ZNF394: variants seen among roughly 807,000 people sequenced by gnomAD.
ZNF394 encodes zinc finger protein 394.
Under a neutral mutation model 21.8 loss-of-function variants are expected in ZNF394, and 19 were observed. That is an observed-to-expected ratio of 0.87 (90% CI 0.61 to 1.28). ZNF394 has a LOEUF of 1.28. Ranked by LOEUF, ZNF394 falls within the 50% of genes most tolerant of loss-of-function variation. The pLI is 0.00. For missense variants in ZNF394, 683 were observed against 708.6 expected (o/e 0.96, Z 0.41); for synonymous variants, 294 against 273.3 (o/e 1.08, Z -0.75).
Position 99,498,844 on chromosome 7 carries a change from TG to T in ZNF394, c.457-3del. 6.2e-7 allele frequency: 1 copy of T among 1,611,784 alleles called. No homozygotes were observed. Among genetic ancestry groups the T allele is most frequent in the Non-Finnish European group, 8.5e-7 (1 of 1,178,658 alleles). On this transcript the variant is annotated splice_polypyrimidine_tract_variant and splice_region_variant and intron_variant, in intron 1 of 2. Coordinates refer to ENST00000337673, the MANE Select transcript of ZNF394 (RefSeq NM_032164.4). ...CGTGTCCTCGAAAGTCACCATCCCC[TG>T]GAACAACACAAGAGCCCCATTCAGT...
At position 99,500,014 on chromosome 7, in the gene ZNF394, T is replaced by TTC; in HGVS notation, c.79_80insGA (p.Asp27GlyfsTer14). ...TCCGTCGCGTTGGGACGGCGCCGCG[T>TTC]CCTTGGACCTCGCAGCCATCACCCA... On this transcript the variant is annotated frameshift_variant, in exon 1 of 3. Transcript: ENST00000337673. LOFTEE classifies it high-confidence loss of function. The TTC allele has an allele frequency of 6.2e-7, 1 of 1,607,580 alleles. No homozygotes were observed.
rs778271934 is a variant in ZNF394 at position 99,494,520 on chromosome 7, A to G, written c.695T>C (p.Phe232Ser). ...CTCATGGGTACTGCCACACTTAGAA[A>G]ACAGGGGGCGCTTCCCCTGGAACGC... ...QEAFQGKRPL[F>S]SKCGSTHEDR... is the part of the protein sequence containing the mutation. The change falls in exon 3 of 3, where the codon TTT becomes TCT. Residue 232 changes from phenylalanine (F) to serine (S), a missense_variant. Physicochemically the swap from Phe to Ser is radical, Grantham distance 155. This residue lies in a region of ZNF394 where 402 missense variants were observed against 373.8 expected (regional missense o/e 1.08). Transcript: ENST00000337673. 1.9e-6 allele frequency: 3 copies of G among 1,613,612 alleles called. No homozygotes were observed. Among genetic ancestry groups the G allele is most frequent in the South Asian group, 2.2e-5 (2 of 91,078 alleles).
Position 99,494,492 on chromosome 7 carries a change from G to A in ZNF394, c.723C>T (p.Asp241=). Residue 241 remains aspartate (D), a synonymous_variant, in exon 3 of 3, where the codon GAC becomes GAT. Transcript: ENST00000337673. ...GGTCTCCGGACTGCTTTTCCACCCT[G>A]TCCTCATGGGTACTGCCACACTTAG... The part of the protein sequence containing the change: ...LFSKCGSTHE[D]RVEKQSGDPL... 6.2e-7 allele frequency: 1 copy of A among 1,613,824 alleles called. No individual in the cohort carries two copies. The highest frequency in any genetic ancestry group is 8.5e-7 in the Non-Finnish European group (1 of 1,180,020).
chr7:99,494,543 C>A lies in ZNF394; in HGVS notation c.672G>T (p.Ala224=), dbSNP rs771586876. The change falls in exon 3 of 3, where the codon GCG becomes GCT. Residue 224 remains alanine (A), a synonymous_variant. Coordinates refer to ENST00000337673, the MANE Select transcript of ZNF394 (RefSeq NM_032164.4). ...AAAACAGGGGGCGCTTCCCCTGGAA[C>A]GCTTCTTGTAGTTGCCCCTGTGGCT... ...EAEPQGQLQE[A]FQGKRPLFSK... 2 of 1,613,356 alleles carry A rather than the reference C, an allele frequency of 1.2e-6. No homozygotes were observed. Among genetic ancestry groups the A allele is most frequent in the African/African-American group, 2.7e-5 (2 of 74,880 alleles).
rs758447840 is a variant in ZNF394, at chr7:99,493,916, T to C, written c.1299A>G (p.Gln433=). The change falls in exon 3 of 3, where the codon CAA becomes CAG. Residue 433 remains glutamine (Q), a synonymous_variant. Transcript: ENST00000337673. Reference sequence around the variant, plus strand: ...AATGTTTGTCTCTACTGTGGGTACTTTGATGACGATTTAGGTGTGAATTCT... The same window carrying C: ...AATGTTTGTCTCTACTGTGGGTACTCTGATGACGATTTAGGTGTGAATTCT... ...FRQNSHLNRH[Q]STHSRDKHFK... The C allele has an allele frequency of 6.1e-5, 98 of 1,614,138 alleles. No homozygotes were observed. Among genetic ancestry groups the C allele is most frequent in the Non-Finnish European group, 7.5e-5 (89 of 1,180,058 alleles).
In ZNF394 at chr7:99,499,922, G is replaced by T; in HGVS notation, c.172C>A (p.Pro58Thr). Reference sequence around the variant, plus strand: ...TGCAGTCGAGAAGTTTCGGGGTCCGGCGAAGCCGCGGGATAGTTGGGCTCC... The same window carrying T: ...TGCAGTCGAGAAGTTTCGGGGTCCGTCGAAGCCGCGGGATAGTTGGGCTCC... ...SWEPNYPAAS[P>T]DPETSRLHFR... The change falls in exon 1 of 3, where the codon CCG (proline) becomes ACG (threonine). Residue 58 changes from proline (P) to threonine (T), a missense_variant. By Grantham distance (38) the Pro-to-Thr change is conservative. This residue lies in a region of ZNF394 where 402 missense variants were observed against 373.8 expected (regional missense o/e 1.08). Transcript: ENST00000337673. 1 of 1,614,114 alleles carries T rather than the reference G, an allele frequency of 6.2e-7. No homozygotes were observed. The highest frequency in any genetic ancestry group is 8.5e-7 in the Non-Finnish European group (1 of 1,180,042).
chr7:99,492,393 A>T (rs542218698), downstream of ZNF394, among the ~76,000 whole-genome samples: 4 of 152,060 alleles, frequency 2.6e-5, no homozygotes, highest in East Asian at 7.8e-4. Flanking sequence ...TAATCCCAGC[A>T]CTTTGGGAGG....
chr7:99,487,189 A>C, intron 1 of ZNF394: 1 of 1,614,162 alleles, frequency 6.2e-7, no homozygotes, highest in Non-Finnish European at 8.5e-7. Context: ...CCGGCATTCA[A>C]CCCTTCTATG....
chr7:99,497,110 GTGT>G (rs1399619358), intron 2 of ZNF394, among the ~76,000 whole-genome samples: 10 of 118,774 alleles, frequency 8.4e-5, no homozygotes, highest in African/African-American at 4.5e-4. Context: ...GTGTGTGTGT[GTGT>G]GTGTGTGTGT....
At position 99,500,018 on chromosome 7, in the gene ZNF394, T is replaced by G; in HGVS notation, c.76A>C (p.Lys26Gln). 1 of 1,607,214 alleles carries G rather than the reference T, an allele frequency of 6.2e-7. No individual in the cohort carries two copies. The highest frequency in any genetic ancestry group is 8.5e-7 in the Non-Finnish European group (1 of 1,178,880). The change falls in exon 1 of 3, where the codon AAG becomes CAG. Residue 26 changes from lysine (K) to glutamine (Q), a missense_variant. Transcript: ENST00000337673. ...TCGCGTTGGGACGGCGCCGCGTCCTTGGACCTCGCAGCCATCACCCAGGGT... is the reference window on the plus strand; with the variant it reads ...TCGCGTTGGGACGGCGCCGCGTCCTGGGACCTCGCAGCCATCACCCAGGGT... ...LGPWVMAARS[K>Q]DAAPSQRDGL... is the part of the protein sequence containing the mutation.
At chr7:99,486,835 G>C in exon 2 of ZNF394, 1 of 1,614,134 alleles carries the variant, frequency 6.2e-7, no homozygotes, top group Non-Finnish European at 8.5e-7. Context: ...ATGTGGAAAA[G>C]TCATTAGGCG....
Position 99,499,639 on chromosome 7 carries a change from T to A in ZNF394, c.455A>T (p.Gln152Leu). 2 of 1,586,694 alleles carry A rather than the reference T, an allele frequency of 1.3e-6. No individual in the cohort carries two copies. The highest frequency in any genetic ancestry group is 8.5e-7 in the Non-Finnish European group (1 of 1,170,006). ...LQRALDGTSS[Q>L]GMVTFEDTAV... ...CAGAACAGGCCTTTCGCTTCTCACC[T>A]GGGATGAGGTTCCATCGAGCGCTCG... The change falls in exon 1 of 3, where the codon CAG becomes CTG. Residue 152 changes from glutamine to leucine, a missense_variant and splice_region_variant. Physicochemically the swap from Gln to Leu is moderately radical, Grantham distance 113. Coordinates refer to ENST00000337673, the MANE Select transcript of ZNF394 (RefSeq NM_032164.4).
intron 2 of ZNF394, among the ~76,000 whole-genome samples, chr7:99,496,186 A>C (rs547983635): frequency 2.7e-5 from 4 of 149,570 alleles, no homozygotes; most frequent in Non-Finnish European, 5.9e-5. Context: ...TAGGTATTTT[A>C]GTAGGTGTTT....
exon 2 of ZNF394, chr7:99,486,943 A>ATGGT: frequency 6.2e-7 from 1 of 1,614,100 alleles, no homozygotes; most frequent in African/African-American, 1.3e-5. Context: ...GTCAGCTCTT[A>ATGGT]CGGTCCATAA....
Position 99,487,622 on chromosome 7 carries a change from C to T in ZNF394, n.84-659G>A, listed in dbSNP as rs112125034. The T allele has an allele frequency of 3.0e-3, 3,016 of 1,011,790 alleles. 54 individuals are homozygous for T. The African/African-American group carries it at 0.044, about 15-fold the overall frequency. 62.7% of individuals were successfully genotyped at this position (1,011,790 alleles called of 1,614,324 possible). ...TCTATGGGAGCCATCTTTGTGTAGCCAATCTGTAGTGAAGAAACGCTTAAA... is the reference window on the plus strand; with the variant it reads ...TCTATGGGAGCCATCTTTGTGTAGCTAATCTGTAGTGAAGAAACGCTTAAA... On this transcript the variant is annotated intron_variant and non_coding_transcript_variant, in intron 1 of 1. Transcript: ENST00000462024.
intron 2 of ZNF394, among the ~76,000 whole-genome samples, chr7:99,495,094 C>T (rs1436236770): frequency 2.0e-5 from 3 of 151,940 alleles, no homozygotes; most frequent in Admixed American, 6.6e-5. Flanking sequence ...GGCATGATCT[C>T]GGCTCACTGC....
At chr7:99,494,733 TA>T (rs1800252515) in intron 2 of ZNF394, 102 bp from the exon 3 acceptor site, 22 of 1,397,300 alleles carry the variant, frequency 1.6e-5, no homozygotes, top group Admixed American at 3.4e-5. Context: ...TTTTACTTTT[TA>T]ATTAATTAAT....
At chr7:99,496,627 G>C (rs1354483017) in intron 2 of ZNF394, among the ~76,000 whole-genome samples, 2 of 151,964 alleles carry the variant, frequency 1.3e-5, no homozygotes, top group Non-Finnish European at 2.9e-5. Context: ...TGTTGGCCAA[G>C]CTGGTCTTGA....
intron 2 of ZNF394, among the ~76,000 whole-genome samples, chr7:99,495,770 T>C (rs1161395069): frequency 6.7e-6 from 1 of 150,062 alleles, no homozygotes; most frequent in Non-Finnish European, 1.5e-5. Context: ...ACAGGCAACG[T>C]GCCACCACAC....
Sources: gnomAD v4.1 joint callset for allele counts (sites outside exome capture counted in the v4.1 genomes callset) on GRCh38, gnomAD v4.1.1 for gene constraint, gnomAD v4.1.1 regional missense constraint, MANE v1.5 for transcripts, NCBI Gene and HGNC (gene_info 2026-07-23, HGNC 2026-07-21) for gene names.